B3GALT1: variants seen among roughly 807,000 people sequenced by gnomAD.
The protein encoded by B3GALT1 is beta-1,3-galactosyltransferase 1.
A neutral mutation model predicts 23.2 loss-of-function variants in B3GALT1; 10 were observed. That is an observed-to-expected ratio of 0.43 (90% CI 0.27 to 0.73). B3GALT1 has a LOEUF of 0.73. Ranked by LOEUF, B3GALT1 falls within the 30% of genes least tolerant of loss-of-function variation. The pLI is 0.21. For missense variants in B3GALT1, 299 were observed against 405.4 expected, an observed-to-expected ratio of 0.74 and a Z score of 2.25; for synonymous variants, 156 against 141.5, an observed-to-expected ratio of 1.10 and a Z score of -0.73.
intron 2 of B3GALT1, among the ~76,000 whole-genome samples, chr2:167,521,552 G>C (rs1035160435): frequency 6.6e-6 from 1 of 151,816 alleles, no homozygotes; most frequent in African/African-American, 2.4e-5. Context: ...CTACAAATGT[G>C]GCCTAATTTT....
chr2:167,601,153 T>C (rs1684870970), intron 2 of B3GALT1, among the ~76,000 whole-genome samples: 1 of 152,102 alleles, frequency 6.6e-6, no homozygotes, highest in African/African-American at 2.4e-5. Context: ...TCTGAGTCCC[T>C]GGTTCAAGCG....
chr2:167,775,154 C>T (rs1307848357), intron 3 of B3GALT1, among the ~76,000 whole-genome samples: 1 of 152,122 alleles, frequency 6.6e-6, no homozygotes, highest in African/African-American at 2.4e-5. Context: ...TAAGAAAATT[C>T]TTTATACTGT....
At chr2:167,301,867 C>A (rs943878684) in intron 1 of B3GALT1, among the ~76,000 whole-genome samples, 5 of 152,096 alleles carry the variant, frequency 3.3e-5, no homozygotes, top group Admixed American at 2.6e-4. Flanking sequence ...AGTCTCCTGC[C>A]CAGTCCAAGA....
At chr2:167,773,212 C>T (rs531635522) in intron 3 of B3GALT1, among the ~76,000 whole-genome samples, 32 of 151,972 alleles carry the variant, frequency 2.1e-4, no homozygotes, top group South Asian at 2.1e-3. Context: ...AATTTTAGAA[C>T]GAGATAATTT....
intron 3 of B3GALT1, among the ~76,000 whole-genome samples, chr2:167,804,246 G>A (rs755719655): frequency 5.9e-5 from 9 of 151,812 alleles, no homozygotes; most frequent in Admixed American, 1.3e-4. Flanking sequence ...AGCCTCGGCC[G>A]CCCAAAGTGC....
At chr2:167,406,827 A>T (rs532184355) in intron 1 of B3GALT1, among the ~76,000 whole-genome samples, 1 of 152,076 alleles carries the variant, frequency 6.6e-6, no homozygotes, top group East Asian at 1.9e-4. Flanking sequence ...ATGGACACCA[A>T]CTCAGCCTTC....
At position 167,870,721 on chromosome 2, in the gene B3GALT1, T is replaced by C. The variant is rs1690329425; in HGVS notation, c.*701T>C. 1.2e-5 allele frequency: 2 copies of C among 166,350 alleles called. No homozygotes were observed. 10.3% of individuals were successfully genotyped at this position (166,350 alleles called of 1,614,324 possible). ...AAAAGATTTTTTTTTTCTTTTTTTT[T>C]CTTTCTTTTTTGTTTTGCTCTTTCA... On this transcript the variant is annotated 3_prime_UTR_variant, in exon 5 of 5. Coordinates refer to ENST00000392690, the MANE Select transcript of B3GALT1 (RefSeq NM_020981.4).
chr2:167,470,014 A>G (rs1699401796), intron 1 of B3GALT1, among the ~76,000 whole-genome samples: 1 of 152,026 alleles, frequency 6.6e-6, no homozygotes, highest in African/African-American at 2.4e-5. Flanking sequence ...TTGAACACTC[A>G]TTTTGTCTCC....
At chr2:167,826,250 G>T (rs67556760) in intron 4 of B3GALT1, among the ~76,000 whole-genome samples, 23,498 of 152,002 alleles carry the variant, frequency 0.15, 2,376 homozygotes, top group East Asian at 0.4. Context: ...CCACCCTCCA[G>T]GGCTCATGGC....
In B3GALT1 at chr2:167,808,297, T is replaced by C. The variant is rs571819021; in HGVS notation, c.-351-10375T>C. ...TCTTTTAATTGGAGCATTTAGCCCA[T>C]TTACCTTTAAGGTTAATATTGTTAT... On this transcript the variant is annotated intron_variant, in intron 3 of 4. Transcript: ENST00000392690. 2.4e-3 allele frequency among the ~76,000 whole-genome samples: 360 copies of C among 151,498 alleles called. 3 individuals carry two copies. Among genetic ancestry groups the C allele is most frequent in the Non-Finnish European group, 4.1e-3 (279 of 67,934 alleles).
chr2:167,437,653 C>G (rs1367814967), intron 1 of B3GALT1, among the ~76,000 whole-genome samples: 3 of 152,190 alleles, frequency 2.0e-5, no homozygotes, highest in African/African-American at 7.2e-5. Context: ...CCTGGCTCAT[C>G]TGTTCAAACA....
intron 3 of B3GALT1, among the ~76,000 whole-genome samples, chr2:167,769,617 A>G (rs1007657379): frequency 1.4e-5 from 2 of 142,114 alleles, no homozygotes; most frequent in Non-Finnish European, 3.1e-5. Flanking sequence ...CTCTGTTCCT[A>G]TAGTTTTATC....
chr2:167,295,010 C>T (rs957540730), intron 1 of B3GALT1, among the ~76,000 whole-genome samples: 7 of 152,132 alleles, frequency 4.6e-5, no homozygotes, highest in Non-Finnish European at 8.8e-5. Flanking sequence ...CCAAATATGT[C>T]AGGCATTTTT....
At chr2:167,829,539 GATAA>G (rs1359446018) in intron 4 of B3GALT1, among the ~76,000 whole-genome samples, 1 of 151,876 alleles carries the variant, frequency 6.6e-6, no homozygotes, top group Non-Finnish European at 1.5e-5. Flanking sequence ...TCTAAAGTAT[GATAA>G]ATAAAGTTGG....
intron 2 of B3GALT1, among the ~76,000 whole-genome samples, chr2:167,584,088 A>G (rs973223945): frequency 1.3e-5 from 2 of 152,102 alleles, no homozygotes; most frequent in Non-Finnish European, 2.9e-5. Context: ...GAGAAGAGAA[A>G]TGTAGTCAAG....
intron 1 of B3GALT1, among the ~76,000 whole-genome samples, chr2:167,400,227 T>C (rs1698167165): frequency 6.9e-6 from 1 of 145,454 alleles, no homozygotes; most frequent in South Asian, 2.2e-4. Flanking sequence ...AACAGGCCTT[T>C]CCTCATTCAT....
intron 1 of B3GALT1, among the ~76,000 whole-genome samples, chr2:167,355,503 G>A (rs1217480448): frequency 6.6e-6 from 1 of 152,012 alleles, no homozygotes; most frequent in Non-Finnish European, 1.5e-5. Context: ...AATTACAGTA[G>A]GTTGTCTAGA....
chr2:167,630,141 T>G (rs1685415334), intron 2 of B3GALT1, among the ~76,000 whole-genome samples: 1 of 151,770 alleles, frequency 6.6e-6, no homozygotes, highest in Non-Finnish European at 1.5e-5. Flanking sequence ...AATTAGCATC[T>G]CTGGGTTGTT....
intron 2 of B3GALT1, among the ~76,000 whole-genome samples, chr2:167,491,708 G>C (rs913053811): frequency 1.3e-5 from 2 of 151,686 alleles, no homozygotes; most frequent in African/African-American, 4.8e-5. Context: ...TCAGCTACTC[G>C]GGAGGCTGAG....
Sources: allele counts gnomAD v4.1 joint callset (sites outside exome capture counted in the v4.1 genomes callset), GRCh38; gene constraint gnomAD v4.1.1; transcripts MANE v1.5; gene names NCBI Gene and HGNC (gene_info 2026-07-23, HGNC 2026-07-21).